Variants in EFCAB5 observed in about 807,000 individuals in gnomAD.
EFCAB5 encodes the protein EF-hand calcium-binding domain-containing protein 5.
Under a neutral mutation model 167.9 loss-of-function variants are expected in EFCAB5, and 131 were observed. The ratio of observed to expected loss-of-function variants is 0.78; its 90% CI spans 0.68 to 0.90. The LOEUF (loss-of-function observed/expected upper bound fraction) is 0.90. EFCAB5 is among the 40% of genes least tolerant of loss of function. The pLI, the probability that EFCAB5 is intolerant of heterozygous loss-of-function variation, is 0.00. For synonymous variants in EFCAB5, 574 were observed against 602.8 expected, an observed-to-expected ratio of 0.95 and a Z score of 0.70; for missense variants, 1,663 against 1,745.2, an observed-to-expected ratio of 0.95 and a Z score of 0.84.
chr17:29,976,281 A>G (rs2068061958), intron 4 of EFCAB5, among the ~76,000 whole-genome samples: 1 of 152,160 alleles, frequency 6.6e-6, no homozygotes, highest in South Asian at 2.1e-4. Context: ...TGTTTCACTG[A>G]TATTTCTTGA....
intron 17 of EFCAB5, 136 bp from the exon 18 acceptor site, chr17:30,082,754 AG>A: frequency 1.1e-6 from 1 of 918,884 alleles, no homozygotes; most frequent in Non-Finnish European, 1.6e-6. Context: ...CTGCCCTTTG[AG>A]GACTGCTGAA....
At chr17:30,061,922 CA>C (rs1261111333) in intron 14 of EFCAB5, among the ~76,000 whole-genome samples, 1 of 152,162 alleles carries the variant, frequency 6.6e-6, no homozygotes, top group Non-Finnish European at 1.5e-5. Flanking sequence ...GCAGAAACAT[CA>C]CAAATAAAAA....
chr17:29,942,312 G>A lies in EFCAB5; in HGVS notation c.105+10G>A. On this transcript the variant is annotated intron_variant, in intron 2 of 22. Coordinates refer to ENST00000394835, the MANE Select transcript of EFCAB5 (RefSeq NM_198529.4). ...GAAAGAGCTTCATGAGGTAGAGTTGGCATGAATAAATCAGATATTAATGCT... is the reference window on the plus strand; with the variant it reads ...GAAAGAGCTTCATGAGGTAGAGTTGACATGAATAAATCAGATATTAATGCT... The A allele has an allele frequency of 6.3e-7, 1 of 1,574,878 alleles. No individual in the cohort carries two copies. Among genetic ancestry groups the A allele is most frequent in the Non-Finnish European group, 8.6e-7 (1 of 1,160,694 alleles).
chr17:30,081,464 G>A (rs1362858873), intron 17 of EFCAB5, among the ~76,000 whole-genome samples: 2 of 152,110 alleles, frequency 1.3e-5, no homozygotes, highest in East Asian at 3.9e-4. Context: ...TGTTTCTTGG[G>A]TATTCATGTT....
intron 1 of EFCAB5, chr17:29,930,354 C>T: frequency 3.3e-6 from 1 of 305,194 alleles, no homozygotes; most frequent in Non-Finnish European, 6.1e-6. Context: ...GGCCGCCGCA[C>T]CCTCCTGGGT....
intron 4 of EFCAB5, among the ~76,000 whole-genome samples, chr17:29,974,385 T>TA (rs1276867524): frequency 6.6e-6 from 1 of 151,286 alleles, no homozygotes. Context: ...CAAATAATAA[T>TA]AAAAAAATTA....
chr17:30,089,422 G>A lies in EFCAB5; in HGVS notation c.3684-999G>A, dbSNP rs573573643. ...TATAGAAACTATAAATGCGCTTTTC[G>A]AGGATGCAAAGTACCAATTTTTTAC... On this transcript the variant is annotated intron_variant, in intron 19 of 22. Coordinates refer to ENST00000394835, the MANE Select transcript of EFCAB5 (RefSeq NM_198529.4). 9.9e-4 allele frequency among the ~76,000 whole-genome samples: 150 copies of A among 152,178 alleles called. 6 individuals are homozygous for A. In the South Asian group the frequency reaches 0.028, roughly 29 times the overall value.
intron 14 of EFCAB5, among the ~76,000 whole-genome samples, chr17:30,071,324 C>A (rs1235672447): frequency 6.9e-6 from 1 of 144,426 alleles, no homozygotes; most frequent in African/African-American, 2.6e-5. Context: ...TCAAATAATT[C>A]AAATTTAAAA....
upstream of EFCAB5, among the ~76,000 whole-genome samples, chr17:29,940,466 T>G (rs1384832307): frequency 6.6e-6 from 1 of 152,164 alleles, no homozygotes; most frequent in East Asian, 1.9e-4. Context: ...AAAGTCTTAT[T>G]GAGTTGAATT....
In EFCAB5 at chr17:30,054,090, C is replaced by A. The variant is rs1468928804; in HGVS notation, c.2136C>A (p.Phe712Leu). ...SWEQTYEEEI[F>L]LSSELQEEVP... The stretch of plus-strand genomic sequence containing the variant: ...AACAAACATATGAAGAGGAAATATT[C>A]CTGAGTTCTGAACTGCAAGAGGAAG... The change falls in exon 10 of 23, where the codon TTC becomes TTA. Residue 712 changes from phenylalanine (F) to leucine (L), a missense_variant. Physicochemically the swap from Phe to Leu is conservative, Grantham distance 22. Transcript: ENST00000394835. 7 of 1,584,820 alleles carry A rather than the reference C, an allele frequency of 4.4e-6. No homozygotes were observed. The highest frequency in any genetic ancestry group is 6.0e-6 in the Non-Finnish European group (7 of 1,164,636).
intron 7 of EFCAB5, among the ~76,000 whole-genome samples, chr17:30,000,781 A>T (rs2068645212): frequency 6.6e-6 from 1 of 152,318 alleles, no homozygotes; most frequent in East Asian, 1.9e-4. Context: ...GTTATGTTCT[A>T]ACTGTGTTTT....
intron 3 of EFCAB5, among the ~76,000 whole-genome samples, chr17:29,958,389 C>T (rs1426996779): frequency 1.3e-5 from 2 of 152,102 alleles, no homozygotes; most frequent in African/African-American, 4.8e-5. Context: ...TTCAAGCTCA[C>T]TAATTCTTCT....
chr17:30,057,596 A>G (rs2070306995), intron 12 of EFCAB5, 80 bp from the exon 13 acceptor site: 3 of 1,200,082 alleles, frequency 2.5e-6, no homozygotes, highest in East Asian at 2.4e-5. Context: ...GCAGATATTC[A>G]TTACAATAGG....
intron 22 of EFCAB5, among the ~76,000 whole-genome samples, chr17:30,099,189 C>T (rs2071346585): frequency 1.3e-5 from 2 of 152,182 alleles, no homozygotes; most frequent in Non-Finnish European, 2.9e-5. Flanking sequence ...TATGGTAACT[C>T]TATGTTTAAC....
chr17:29,950,006 T>C (rs917370098), intron 3 of EFCAB5, among the ~76,000 whole-genome samples: 1 of 152,076 alleles, frequency 6.6e-6, no homozygotes, highest in African/African-American at 2.4e-5. Flanking sequence ...GGAGGAGGAA[T>C]TGTCTGCCTT....
intron 7 of EFCAB5, among the ~76,000 whole-genome samples, chr17:30,008,553 G>T (rs1209854723): frequency 6.6e-6 from 1 of 151,528 alleles, no homozygotes; most frequent in East Asian, 1.9e-4. Flanking sequence ...TCATGCCACT[G>T]CACTCCAGCC....
chr17:29,986,507 T>G (rs538982958), intron 4 of EFCAB5, among the ~76,000 whole-genome samples: 1 of 152,296 alleles, frequency 6.6e-6, no homozygotes, highest in South Asian at 2.1e-4. Context: ...GGAATCGTTG[T>G]GCAGCACCTC....
In EFCAB5 at chr17:30,080,967, A is replaced by T; in HGVS notation, c.3412A>T (p.Ile1138Phe). Residue 1138 changes from isoleucine (I) to phenylalanine (F), a missense_variant, in exon 17 of 23, where the codon ATC (isoleucine) becomes TTC (phenylalanine). By Grantham distance (21) the Ile-to-Phe change is conservative. Coordinates refer to ENST00000394835, the MANE Select transcript of EFCAB5 (RefSeq NM_198529.4). ...HEINIFLPHE[I>F]RFYQGVANVF... is the part of the protein sequence containing the mutation. ...AATAAACATCTTTCTACCTCATGAGATCAGATTCTATCAGGTAAGTCATAG... is the reference window on the plus strand; with the variant it reads ...AATAAACATCTTTCTACCTCATGAGTTCAGATTCTATCAGGTAAGTCATAG... 1.2e-6 allele frequency: 2 copies of T among 1,612,180 alleles called. No homozygotes were observed. The highest frequency in any genetic ancestry group is 1.7e-6 in the Non-Finnish European group (2 of 1,179,558).
At chr17:30,033,704 A>T (rs1203622464) in intron 7 of EFCAB5, among the ~76,000 whole-genome samples, 3 of 152,202 alleles carry the variant, frequency 2.0e-5, no homozygotes, top group Non-Finnish European at 2.9e-5. Flanking sequence ...GCCGAAGAGT[A>T]TAGACGTTTT....
Sources: gnomAD v4.1 joint callset for allele counts (sites outside exome capture counted in the v4.1 genomes callset) on GRCh38, gnomAD v4.1.1 for gene constraint, MANE v1.5 for transcripts, NCBI Gene and HGNC (gene_info 2026-07-23, HGNC 2026-07-21) for gene names.